Variants in KDM2A observed in about 807,000 individuals in gnomAD.
KDM2A encodes the protein lysine demethylase 2A, also known as lysine-specific demethylase 2A.
KDM2A carries 3 observed loss-of-function variants against 137.3 expected under a neutral mutation model. The ratio of observed to expected loss-of-function variants is 0.02; its 90% CI spans 0.01 to 0.06. The LOEUF (loss-of-function observed/expected upper bound fraction) is 0.06. Among genes scored for constraint, KDM2A ranks in the 10% least tolerant of loss-of-function variants. The probability of loss-of-function intolerance (pLI) is 1.00; values close to 1 mark genes in which losing one functional copy is unlikely to be tolerated. For missense variants in KDM2A, 738 were observed against 1,510.6 expected, an observed-to-expected ratio of 0.49 and a Z score of 8.48; for synonymous variants, 512 against 541.5, an observed-to-expected ratio of 0.95 and a Z score of 0.76.
chr11:67,231,214 A>G (rs1469025223), intron 11 of KDM2A, among the ~76,000 whole-genome samples: 1 of 152,148 alleles, frequency 6.6e-6, no homozygotes, highest in East Asian at 1.9e-4. Context: ...TCTCTTTTAA[A>G]AGGTAATGAA....
chr11:67,192,786 TA>T (rs1565397048), intron 5 of KDM2A, among the ~76,000 whole-genome samples: 8 of 152,056 alleles, frequency 5.3e-5, no homozygotes, highest in African/African-American at 1.7e-4. Context: ...TGAAGGTTTA[TA>T]AATTTCTTCT....
intron 2 of KDM2A, among the ~76,000 whole-genome samples, chr11:67,179,210 A>G (rs1256603209): frequency 6.6e-6 from 1 of 152,166 alleles, no homozygotes; most frequent in East Asian, 1.9e-4. Context: ...TTGGAAAGAC[A>G]TGTTATCTTT....
At chr11:67,185,269 G>A (rs1450339192) in intron 5 of KDM2A, among the ~76,000 whole-genome samples, 2 of 152,150 alleles carry the variant, frequency 1.3e-5, no homozygotes, top group Admixed American at 1.3e-4. Context: ...ATAGGACAAT[G>A]GAGATTATTA....
At chr11:67,240,633 G>T (rs1859004929) in intron 12 of KDM2A, among the ~76,000 whole-genome samples, 1 of 152,162 alleles carries the variant, frequency 6.6e-6, no homozygotes, top group Non-Finnish European at 1.5e-5. Context: ...GATCTGTAGG[G>T]TGTGGGCTTG....
chr11:67,199,338 T>TA (rs761697049), intron 5 of KDM2A, among the ~76,000 whole-genome samples: 47 of 152,288 alleles, frequency 3.1e-4, no homozygotes, highest in Non-Finnish European at 5.0e-4. Context: ...AATCAAAAGT[T>TA]AGAAATGATT....
At chr11:67,169,130 A>G (rs538212521) in intron 2 of KDM2A, among the ~76,000 whole-genome samples, 11 of 150,298 alleles carry the variant, frequency 7.3e-5, no homozygotes, top group Non-Finnish European at 1.3e-4. Flanking sequence ...CAATTTTTGT[A>G]TTTTTAGTAG....
At chr11:67,143,560 CT>C (rs1189727036) in intron 2 of KDM2A, among the ~76,000 whole-genome samples, 1 of 152,056 alleles carries the variant, frequency 6.6e-6, no homozygotes, top group African/African-American at 2.4e-5. Flanking sequence ...CTAATCACTA[CT>C]TTTTCTTACT....
intron 2 of KDM2A, among the ~76,000 whole-genome samples, chr11:67,129,289 A>G (rs1465075825): frequency 6.6e-6 from 1 of 152,204 alleles, no homozygotes; most frequent in Non-Finnish European, 1.5e-5. Flanking sequence ...TGTCTAGTTG[A>G]TTTTAAAAGT....
intron 2 of KDM2A, among the ~76,000 whole-genome samples, chr11:67,125,244 G>A (rs1855693740): frequency 6.6e-6 from 1 of 150,608 alleles, no homozygotes; most frequent in Admixed American, 6.6e-5. Flanking sequence ...GCAGTGGCAT[G>A]ATCATAGGTC....
intron 5 of KDM2A, chr11:67,197,184 T>G (rs914329250): frequency 9.2e-5 from 14 of 152,098 alleles, no homozygotes; most frequent in Admixed American, 9.2e-4. Context: ...ACTTTTTTTT[T>G]TTTTTTTGAG....
intron 2 of KDM2A, among the ~76,000 whole-genome samples, chr11:67,145,641 C>T (rs1419760353): frequency 1.3e-5 from 2 of 151,956 alleles, no homozygotes; most frequent in African/African-American, 4.8e-5. Flanking sequence ...GACTGGACAC[C>T]TGGTATTCTT....
At chr11:67,184,250 T>C (rs912913533) in intron 5 of KDM2A, among the ~76,000 whole-genome samples, 19 of 149,786 alleles carry the variant, frequency 1.3e-4, no homozygotes, top group Non-Finnish European at 2.5e-4. Flanking sequence ...TCCCAGCACT[T>C]TGGGAGGCTG....
chr11:67,231,202 C>T (rs1430274390), intron 11 of KDM2A, among the ~76,000 whole-genome samples: 1 of 152,106 alleles, frequency 6.6e-6, no homozygotes, highest in Non-Finnish European at 1.5e-5. Context: ...TTCTTAGTGT[C>T]TTCTCTTTTA....
At chr11:67,189,566 G>A (rs935875738) in intron 5 of KDM2A, among the ~76,000 whole-genome samples, 1 of 152,096 alleles carries the variant, frequency 6.6e-6, no homozygotes, top group Non-Finnish European at 1.5e-5. Flanking sequence ...TCGGCCGGGC[G>A]AGGTGGCTCA....
intron 2 of KDM2A, among the ~76,000 whole-genome samples, chr11:67,154,740 G>C (rs1856475902): frequency 6.6e-6 from 1 of 152,098 alleles, no homozygotes; most frequent in Non-Finnish European, 1.5e-5. Context: ...TGCCCAGCCT[G>C]GGTGTTTCAT....
At chr11:67,177,490 C>T (rs1478054288) in intron 2 of KDM2A, among the ~76,000 whole-genome samples, 3 of 151,114 alleles carry the variant, frequency 2.0e-5, no homozygotes, top group Non-Finnish European at 1.5e-5. Flanking sequence ...TGTTAAAAAC[C>T]AAGACATAAA....
At chr11:67,225,150 A>G (rs1261453541) in intron 10 of KDM2A, among the ~76,000 whole-genome samples, 13 of 152,100 alleles carry the variant, frequency 8.5e-5, no homozygotes, top group Non-Finnish European at 1.8e-4. Context: ...ACCCCAAGAT[A>G]ACTTTGCCAC....
rs1859657600 is a variant in KDM2A at position 67,257,735 on chromosome 11, G to C, written c.*2680G>C. ...TGTAAATATATATTTTTTTGTTGCT[G>C]ATTTAGAGTCAATCTCCAATGTTGT... On this transcript the variant is annotated 3_prime_UTR_variant, in exon 21 of 21. Transcript: ENST00000529006. The C allele has an allele frequency of 6.6e-6, 1 of 151,988 alleles. No homozygotes were observed. The highest frequency in any genetic ancestry group is 1.5e-5 in the Non-Finnish European group (1 of 68,006). The allele number at this position is 151,988 out of a possible 1,614,324, so 9.4% of individuals were successfully genotyped here.
chr11:67,181,070 T>G (rs775002997), intron 3 of KDM2A, among the ~76,000 whole-genome samples: 22 of 151,620 alleles, frequency 1.5e-4, no homozygotes, highest in Non-Finnish European at 2.8e-4. Context: ...ATTTAAGCTC[T>G]AAATTTCCTG....
Sources: gnomAD v4.1 joint callset for allele counts (sites outside exome capture counted in the v4.1 genomes callset) on GRCh38, gnomAD v4.1.1 for gene constraint, MANE v1.5 for transcripts, NCBI Gene and HGNC (gene_info 2026-07-23, HGNC 2026-07-21) for gene names.